SPTBN4: variants seen among roughly 807,000 people sequenced by gnomAD.
SPTBN4 encodes the protein spectrin beta, non-erythrocytic 4.
SPTBN4 carries 96 observed loss-of-function variants against 277.8 expected under a neutral mutation model. That is an observed-to-expected ratio of 0.35 (90% CI 0.29 to 0.41). The LOEUF (loss-of-function observed/expected upper bound fraction) is 0.41. Among genes scored for constraint, SPTBN4 ranks in the 10% least tolerant of loss-of-function variants. The pLI is 1.00. For missense variants in SPTBN4, 3,006 were observed against 3,595.7 expected, an observed-to-expected ratio of 0.84 and a Z score of 4.19; for synonymous variants, 1,481 against 1,580.3, an observed-to-expected ratio of 0.94 and a Z score of 1.49.
intron 6 of SPTBN4, among the ~76,000 whole-genome samples, chr19:40,496,213 G>A (rs1201146347): frequency 6.6e-6 from 1 of 152,120 alleles, no homozygotes; most frequent in African/African-American, 2.4e-5. Context: ...GCAGTGGCAC[G>A]ATCTCGGCTC....
Position 40,576,002 on chromosome 19 carries a change from T to TAGGGGGCAGGG in SPTBN4, c.*439_*449dup, listed in dbSNP as rs1285127937. On this transcript the variant is annotated 3_prime_UTR_variant, in exon 36 of 36. Coordinates refer to ENST00000598249, the MANE Select transcript of SPTBN4 (RefSeq NM_020971.3). ...AGGTCCCCTGGACCATCCAGGGTGC[T>TAGGGGGCAGGG]AGGGGGCAGGGAGGGGACACCCCCT... The TAGGGGGCAGGG allele has an allele frequency of 6.5e-6, 1 of 154,498 alleles. No individual in the cohort carries two copies. Among genetic ancestry groups the TAGGGGGCAGGG allele is most frequent in the African/African-American group, 2.4e-5 (1 of 41,148 alleles). The allele number at this position is 154,498 out of a possible 1,614,324, so 9.6% of individuals were successfully genotyped here. A position where few individuals can be genotyped will look rare whatever the true frequency, so the allele number is the denominator to read the frequency against.
intron 15 of SPTBN4, among the ~76,000 whole-genome samples, chr19:40,516,016 C>CATATACGTATATATACACAT (rs1568798658): frequency 7.4e-6 from 1 of 135,204 alleles, no homozygotes; most frequent in Admixed American, 7.4e-5. Flanking sequence ...TATATACACA[C>CATATACGTATATATACACAT]ATATACGTAT....
chr19:40,528,852 G>GTC (rs372140230), intron 17 of SPTBN4, among the ~76,000 whole-genome samples, 189 bp from the exon 18 acceptor site: 1 of 151,196 alleles, frequency 6.6e-6, no homozygotes, highest in African/African-American at 2.4e-5. Flanking sequence ...TCCTCTGTCT[G>GTC]TCTCTCTCTC....
intron 17 of SPTBN4, among the ~76,000 whole-genome samples, chr19:40,525,678 G>A (rs1247861212): frequency 2.0e-5 from 3 of 152,150 alleles, no homozygotes; most frequent in East Asian, 1.9e-4. Context: ...TGCTCTGTAC[G>A]GAGTGGGGGT....
At chr19:40,491,405 T>G in intron 4 of SPTBN4, among the ~76,000 whole-genome samples, 1 of 151,090 alleles carries the variant, frequency 6.6e-6, no homozygotes, top group Non-Finnish European at 1.5e-5. Flanking sequence ...TGGGGAGAGG[T>G]TGCAACATTT....
At chr19:40,503,359 G>A (rs1174848416) in intron 11 of SPTBN4, among the ~76,000 whole-genome samples, 8 of 152,048 alleles carry the variant, frequency 5.3e-5, no homozygotes, top group Admixed American at 5.2e-4. Context: ...TAAGGTTAGA[G>A]ATGTAACAGG....
At position 40,532,695 on chromosome 19, in the gene SPTBN4, A is replaced by G. The variant is rs145720752; in HGVS notation, c.4019A>G (p.His1340Arg). ...ACGCGGGAGGACAACCACAAGCTGCATAAGAGATGGCTCCGGCACCAGGCA... is the reference window on the plus strand; with the variant it reads ...ACGCGGGAGGACAACCACAAGCTGCGTAAGAGATGGCTCCGGCACCAGGCA... ...DGTREDNHKL[H>R]KRWLRHQAFM... Residue 1340 changes from histidine (H) to arginine (R), a missense_variant, in exon 19 of 36, where the codon CAT (histidine) becomes CGT (arginine). This residue lies in a region of SPTBN4 where 1,759 missense variants were observed against 2,061.5 expected (regional missense o/e 0.85). Coordinates refer to ENST00000598249, the MANE Select transcript of SPTBN4 (RefSeq NM_020971.3). The G allele has an allele frequency of 9.0e-5, 146 of 1,613,568 alleles. 1 individual carries two copies. In the Middle Eastern group the frequency reaches 1.5e-3, roughly 16 times the overall value.
At position 40,502,675 on chromosome 19, in the gene SPTBN4, A is replaced by G. The variant is rs572364742; in HGVS notation, c.1204-100A>G. On this transcript the variant is annotated intron_variant, in intron 10 of 35. Coordinates refer to ENST00000598249, the MANE Select transcript of SPTBN4 (RefSeq NM_020971.3). The surrounding 1 kb of genome is among the most constrained non-coding windows in gnomAD (Gnocchi z 4.9). ...GGAAGCAATATTTTTTCCAATTTGC[A>G]TGAAGTTGCCATAATGCTATGAGTG... 65 of 1,520,084 alleles carry G rather than the reference A, an allele frequency of 4.3e-5. No homozygotes were observed. The highest frequency in any genetic ancestry group is 5.4e-5 in the Non-Finnish European group (61 of 1,131,390). 94.2% of individuals were successfully genotyped at this position (1,520,084 alleles called of 1,614,324 possible).
Position 40,557,003 on chromosome 19 carries a change from C to CT in SPTBN4, c.5290-20_5290-19insT. The CT allele has an allele frequency of 6.6e-7, 1 of 1,526,414 alleles. No individual in the cohort carries two copies. 94.6% of individuals were successfully genotyped at this position (1,526,414 alleles called of 1,614,324 possible). A position where few individuals can be genotyped will look rare whatever the true frequency, so the allele number is the denominator to read the frequency against. Reference sequence around the variant, plus strand: ...CTTTGCTCACTTTGCTGTACCCCCCCCCCCACTTCCTGATGGCAGGTGCTG... The same window carrying CT: ...CTTTGCTCACTTTGCTGTACCCCCCCTCCCCACTTCCTGATGGCAGGTGCTG... On this transcript the variant is annotated intron_variant, in intron 25 of 35. Transcript: ENST00000598249.
chr19:40,572,498 G>C, intron 35 of SPTBN4, 118 bp downstream of exon 35: 6 of 1,307,330 alleles, frequency 4.6e-6, no homozygotes, highest in Non-Finnish European at 6.6e-6. Flanking sequence ...AGTTATCAGG[G>C]CTGTAATGGG....
At chr19:40,487,393 C>A (rs1431301206) in intron 2 of SPTBN4, among the ~76,000 whole-genome samples, 2 of 150,672 alleles carry the variant, frequency 1.3e-5, no homozygotes, top group African/African-American at 4.9e-5. Flanking sequence ...TCGCCCAGGC[C>A]GGAGTGCAGT....
intron 17 of SPTBN4, among the ~76,000 whole-genome samples, chr19:40,523,867 G>A (rs1228483686): frequency 6.6e-6 from 1 of 152,018 alleles, no homozygotes. Flanking sequence ...GCAGTAGCAC[G>A]ATCTCGGCTC....
chr19:40,545,623 CT>C (rs2080850640), intron 20 of SPTBN4, among the ~76,000 whole-genome samples: 1 of 152,006 alleles, frequency 6.6e-6, no homozygotes, highest in Non-Finnish European at 1.5e-5. Context: ...AAAAGAATGC[CT>C]TGGCCAGGCG....
rs1480101182 is a variant in SPTBN4 at position 40,502,608 on chromosome 19, A to G, written c.1203+101A>G. The G allele has an allele frequency of 2.8e-6, 4 of 1,431,488 alleles. No homozygotes were observed. The highest frequency in any genetic ancestry group is 2.1e-5 in the Admixed American group (1 of 47,160). The allele number at this position is 1,431,488 out of a possible 1,614,324, so 88.7% of individuals were successfully genotyped here. On this transcript the variant is annotated intron_variant, in intron 10 of 35. Coordinates refer to ENST00000598249, the MANE Select transcript of SPTBN4 (RefSeq NM_020971.3). The surrounding 1 kb of genome is among the most constrained non-coding windows in gnomAD (Gnocchi z 4.9). ...ATTCACATTGTAGACATGATGGATT[A>G]GATATTCATTCTGACAGTTTTTCAG...
chr19:40,550,395 G>A, intron 22 of SPTBN4, 68 bp downstream of exon 22: 1 of 1,469,682 alleles, frequency 6.8e-7, no homozygotes, highest in Non-Finnish European at 9.3e-7. Context: ...AGCTGAAGGT[G>A]GTTAAAGCCA....
At chr19:40,467,965 A>C (rs1439353324) in intron 1 of SPTBN4, among the ~76,000 whole-genome samples, 1 of 152,214 alleles carries the variant, frequency 6.6e-6, no homozygotes. Context: ...GGAAAAGATG[A>C]AGAATAATAG....
At chr19:40,499,310 G>A (rs905181214) in intron 7 of SPTBN4, among the ~76,000 whole-genome samples, 7 of 151,896 alleles carry the variant, frequency 4.6e-5, no homozygotes, top group Admixed American at 1.3e-4. Context: ...AAAGAGCTGG[G>A]ATTACAGGCG....
intron 32 of SPTBN4, among the ~76,000 whole-genome samples, chr19:40,570,023 CACACAG>C (rs773159808): frequency 2.4e-4 from 37 of 151,380 alleles, no homozygotes; most frequent in African/African-American, 6.1e-4. Flanking sequence ...CACAGATACA[CACACAG>C]ACACACACAC....
At chr19:40,520,484 G>A (rs2080514481) in intron 16 of SPTBN4, among the ~76,000 whole-genome samples, 1 of 152,176 alleles carries the variant, frequency 6.6e-6, no homozygotes, top group African/African-American at 2.4e-5. Flanking sequence ...TATCTGAAAG[G>A]AAATAAGACT....
Sources: gnomAD v4.1 joint callset for allele counts (sites outside exome capture counted in the v4.1 genomes callset) on GRCh38, gnomAD v4.1.1 for gene constraint, gnomAD v4.1.1 regional missense constraint, Gnocchi (gnomAD v3.1) non-coding constraint, MANE v1.5 for transcripts, NCBI Gene and HGNC (gene_info 2026-07-23, HGNC 2026-07-21) for gene names.